NRXN1: variants seen among roughly 807,000 people sequenced by gnomAD.
The protein encoded by NRXN1 is neurexin-1.
A neutral mutation model predicts 150.9 loss-of-function variants in NRXN1; 39 were observed. That is an observed-to-expected ratio of 0.26 (90% CI 0.20 to 0.34). NRXN1 has a LOEUF of 0.34. Ranked by LOEUF, NRXN1 falls within the 10% of genes least tolerant of loss-of-function variation. The pLI is 1.00. For synonymous variants in NRXN1, 924 were observed against 757.0 expected (o/e 1.22, Z -3.62); for missense variants, 1,815 against 1,949.9 (o/e 0.93, Z 1.30).
chr2:50,922,716 A>C (rs1368222478), intron 3 of NRXN1, 29 bp from the exon 4 acceptor site: 2 of 1,608,638 alleles, frequency 1.2e-6, no homozygotes, highest in Non-Finnish European at 1.7e-6. Context: ...CACAGTCAGC[A>C]ATAAACAAGG....
intron 18 of NRXN1, among the ~76,000 whole-genome samples, chr2:50,146,704 T>C (rs180759641): frequency 2.1e-4 from 32 of 151,810 alleles, no homozygotes; most frequent in Non-Finnish European, 3.4e-4. Flanking sequence ...AACATAGTTT[T>C]TATGTTAGGC....
chr2:49,990,014 C>G (rs926335090), intron 21 of NRXN1, among the ~76,000 whole-genome samples: 2 of 151,906 alleles, frequency 1.3e-5, no homozygotes, highest in Non-Finnish European at 2.9e-5. Context: ...TCTAACAATG[C>G]TGAGGCCTCA....
intron 5 of NRXN1, among the ~76,000 whole-genome samples, chr2:50,730,974 T>A (rs191465747): frequency 1.5e-3 from 233 of 152,184 alleles, no homozygotes; most frequent in African/African-American, 5.3e-3. Context: ...CGCCCGGCCT[T>A]CCCTTATCTT....
chr2:50,659,033 T>C (rs1201858559), intron 5 of NRXN1, among the ~76,000 whole-genome samples: 1 of 151,978 alleles, frequency 6.6e-6, no homozygotes, highest in Admixed American at 6.6e-5. Context: ...ACTGCTTGCC[T>C]TTCTTCACCA....
At chr2:50,704,082 A>C (rs1406216149) in intron 5 of NRXN1, among the ~76,000 whole-genome samples, 1 of 152,106 alleles carries the variant, frequency 6.6e-6, no homozygotes, top group East Asian at 1.9e-4. Flanking sequence ...TATAAGTAGG[A>C]AATTTTCTAG....
At chr2:50,218,510 T>C (rs1396248270) in intron 18 of NRXN1, among the ~76,000 whole-genome samples, 1 of 151,622 alleles carries the variant, frequency 6.6e-6, no homozygotes, top group African/African-American at 2.4e-5. Flanking sequence ...TTTTTTTTCT[T>C]TCTCAGAATC....
At chr2:50,666,604 A>C (rs887444785) in intron 5 of NRXN1, among the ~76,000 whole-genome samples, 43 of 151,954 alleles carry the variant, frequency 2.8e-4, no homozygotes, top group African/African-American at 1.0e-3. Context: ...TGGTAAGGGC[A>C]TGACAATAAA....
intron 13 of NRXN1, among the ~76,000 whole-genome samples, chr2:50,499,992 G>C (rs1217071600): frequency 6.7e-6 from 1 of 149,696 alleles, no homozygotes; most frequent in Non-Finnish European, 1.5e-5. Flanking sequence ...ATATCCCTTT[G>C]GGTTGATTTT....
At chr2:50,748,920 T>C (rs1251880516) in intron 5 of NRXN1, among the ~76,000 whole-genome samples, 3 of 152,102 alleles carry the variant, frequency 2.0e-5, no homozygotes, top group Non-Finnish European at 2.9e-5. Context: ...TAAGTATGTC[T>C]AATGTTAAAA....
intron 17 of NRXN1, among the ~76,000 whole-genome samples, chr2:50,268,351 A>G (rs2069142864): frequency 6.6e-6 from 1 of 152,186 alleles, no homozygotes; most frequent in South Asian, 2.1e-4. Flanking sequence ...TTCCTTAAGT[A>G]CACAAATATA....
chr2:50,504,182 A>C (rs1359567429), intron 13 of NRXN1, among the ~76,000 whole-genome samples: 1 of 150,358 alleles, frequency 6.7e-6, no homozygotes, highest in African/African-American at 2.4e-5. Context: ...TAGACTGCGC[A>C]CTGTGCTGGA....
At chr2:50,977,228 G>T (rs934262698) in intron 2 of NRXN1, among the ~76,000 whole-genome samples, 10 of 151,914 alleles carry the variant, frequency 6.6e-5, no homozygotes, top group African/African-American at 2.2e-4. Context: ...ATATAATTTT[G>T]ATTTATTTTA....
intron 5 of NRXN1, among the ~76,000 whole-genome samples, chr2:50,727,425 A>G (rs1697518476): frequency 7.6e-6 from 1 of 131,760 alleles, no homozygotes; most frequent in Non-Finnish European, 1.6e-5. Context: ...TAGTCTATCA[A>G]CAGTTATAAA....
At chr2:50,084,706 G>C (rs1295186889) in intron 19 of NRXN1, among the ~76,000 whole-genome samples, 3 of 152,146 alleles carry the variant, frequency 2.0e-5, no homozygotes, top group Admixed American at 6.5e-5. Context: ...AATGGGCGCC[G>C]AGGCCGAGGA....
intron 17 of NRXN1, among the ~76,000 whole-genome samples, chr2:50,345,604 T>C (rs2077890897): frequency 6.6e-6 from 1 of 152,142 alleles, no homozygotes; most frequent in South Asian, 2.1e-4. Flanking sequence ...AAAAACAGAT[T>C]GATGTTTTAA....
At chr2:50,211,372 T>A (rs533550130) in intron 18 of NRXN1, among the ~76,000 whole-genome samples, 1 of 151,640 alleles carries the variant, frequency 6.6e-6, no homozygotes, top group South Asian at 2.1e-4. Flanking sequence ...AAAATAAGAA[T>A]CCAAAATAGT....
intron 12 of NRXN1, among the ~76,000 whole-genome samples, chr2:50,512,027 TTCTC>T (rs1225634633): frequency 6.6e-6 from 1 of 152,260 alleles, no homozygotes; most frequent in Admixed American, 6.5e-5. Flanking sequence ...ACGACATGTA[TTCTC>T]TCTATTCCTA....
At chr2:50,209,939 GTT>G (rs2062892040) in intron 18 of NRXN1, among the ~76,000 whole-genome samples, 1 of 151,888 alleles carries the variant, frequency 6.6e-6, no homozygotes, top group Non-Finnish European at 1.5e-5. Context: ...TATATGTACT[GTT>G]CTATGTATTA....
intron 5 of NRXN1, among the ~76,000 whole-genome samples, chr2:50,683,509 G>A (rs1031624126): frequency 6.8e-6 from 1 of 148,066 alleles, no homozygotes; most frequent in African/African-American, 2.5e-5. Context: ...GCGGGCTCCT[G>A]TAGTCCTAGC....
Sources: gnomAD v4.1 joint callset for allele counts (sites outside exome capture counted in the v4.1 genomes callset) on GRCh38, gnomAD v4.1.1 for gene constraint, MANE v1.5 for transcripts, NCBI Gene and HGNC (gene_info 2026-07-23, HGNC 2026-07-21) for gene names.